Variants in SNCB observed in about 807,000 individuals in gnomAD.
The protein encoded by SNCB is beta-synuclein.
A neutral mutation model predicts 20.0 loss-of-function variants in SNCB; 8 were observed. The observed-to-expected ratio is 0.40, with a 90% CI of 0.24 to 0.72. The LOEUF (loss-of-function observed/expected upper bound fraction) is 0.72. SNCB is among the 30% of genes least tolerant of loss of function. The pLI is 0.37. For synonymous variants in SNCB, 56 were observed against 65.4 expected (o/e 0.86, Z 0.69); for missense variants, 125 against 168.0 (o/e 0.74, Z 1.41).
At chr5:176,624,389 G>A (rs1759797350) in intron 4 of SNCB, among the ~76,000 whole-genome samples, 1 of 152,218 alleles carries the variant, frequency 6.6e-6, no homozygotes, top group Non-Finnish European at 1.5e-5. Flanking sequence ...GCTGGTTATG[G>A]TGCCACATTG....
Position 176,620,312 on chromosome 5 carries a change from C to A in SNCB, c.*499G>T, listed in dbSNP as rs765137212. 1.8e-3 allele frequency: 317 copies of A among 173,718 alleles called. 4 individuals carry two copies. Among genetic ancestry groups the A allele is most frequent in the Non-Finnish European group, 2.5e-3 (204 of 80,636 alleles). 10.8% of individuals were successfully genotyped at this position (173,718 alleles called of 1,614,324 possible). On this transcript the variant is annotated 3_prime_UTR_variant, in exon 6 of 6. Coordinates refer to ENST00000393693, the MANE Select transcript of SNCB (RefSeq NM_003085.5). This position sits in a 1 kb window ranked among gnomAD's most constrained non-coding sequence, Gnocchi z 4.5. ...ATGGGGACTCTCCATGCCACAATCA[C>A]AACACACGACGCCCGCGTTCGGACC...
At chr5:176,624,924 CTG>C (rs1432258002) in intron 4 of SNCB, among the ~76,000 whole-genome samples, 1 of 151,928 alleles carries the variant, frequency 6.6e-6, no homozygotes, top group Non-Finnish European at 1.5e-5. Flanking sequence ...AAGGAACCAA[CTG>C]TGCAAAATGA....
chr5:176,629,880 G>A lies in SNCB; in HGVS notation c.-9-217C>T, dbSNP rs1760256479. Reference sequence around the variant, plus strand: ...CCTTGAAACCTGGGGACGCGGGAGGGGCCACTGCCTCGGTTATCCGGGCCC... The same window carrying A: ...CCTTGAAACCTGGGGACGCGGGAGGAGCCACTGCCTCGGTTATCCGGGCCC... On this transcript the variant is annotated intron_variant, in intron 1 of 5. Transcript: ENST00000393693. This position sits in a 1 kb window ranked among gnomAD's most constrained non-coding sequence, Gnocchi z 4.1. 1.8e-6 allele frequency: 1 copy of A among 569,760 alleles called. No homozygotes were observed. The highest frequency in any genetic ancestry group is 2.9e-6 in the Non-Finnish European group (1 of 342,840). The allele number at this position is 569,760 out of a possible 1,614,324, so 35.3% of individuals were successfully genotyped here. A position where few individuals can be genotyped will look rare whatever the true frequency, so the allele number is the denominator to read the frequency against.
At chr5:176,623,163 A>G (rs1467323721) in intron 4 of SNCB, among the ~76,000 whole-genome samples, 3 of 152,056 alleles carry the variant, frequency 2.0e-5, no homozygotes, top group Non-Finnish European at 4.4e-5. Flanking sequence ...CAAGGTGGGC[A>G]GATCACTTGA....
intron 2 of SNCB, among the ~76,000 whole-genome samples, chr5:176,628,159 CA>C (rs1760090349): frequency 1.3e-5 from 2 of 152,136 alleles, no homozygotes; most frequent in African/African-American, 2.4e-5. Context: ...TGGGGTCCAT[CA>C]GGGGCTCCCA....
chr5:176,625,465 G>A (rs1759881745), intron 4 of SNCB, among the ~76,000 whole-genome samples: 1 of 152,150 alleles, frequency 6.6e-6, no homozygotes, highest in Admixed American at 6.5e-5. Flanking sequence ...TTCCTATTGT[G>A]TTCACTCGCA....
chr5:176,627,497 T>G (rs749309002), intron 2 of SNCB, among the ~76,000 whole-genome samples: 6 of 152,246 alleles, frequency 3.9e-5, no homozygotes, highest in Non-Finnish European at 5.9e-5. Context: ...AGCAACTTGA[T>G]AACTTCAAAA....
chr5:176,622,004 G>A (rs556743325), intron 4 of SNCB, among the ~76,000 whole-genome samples: 11 of 152,234 alleles, frequency 7.2e-5, no homozygotes, highest in African/African-American at 2.2e-4. Flanking sequence ...ACAAGCACAC[G>A]CGATAGCTTA....
rs776622242 is a variant in SNCB at position 176,629,658 on chromosome 5, G to A, written c.-4C>T. Reference sequence around the variant, plus strand: ...GGCCCTTCATGAACACGTCCATCCTGGCGGCCTGGGGAGGGCGATACACGG... The same window carrying A: ...GGCCCTTCATGAACACGTCCATCCTAGCGGCCTGGGGAGGGCGATACACGG... On this transcript the variant is annotated 5_prime_UTR_variant, in exon 2 of 6. Coordinates refer to ENST00000393693, the MANE Select transcript of SNCB (RefSeq NM_003085.5). The surrounding 1 kb of genome is among the most constrained non-coding windows in gnomAD (Gnocchi z 4.1). The A allele has an allele frequency of 6.2e-7, 1 of 1,613,086 alleles. No individual in the cohort carries two copies. Among genetic ancestry groups the A allele is most frequent in the Non-Finnish European group, 8.5e-7 (1 of 1,179,500 alleles).
At chr5:176,624,523 G>A (rs925485102) in intron 4 of SNCB, among the ~76,000 whole-genome samples, 3 of 152,154 alleles carry the variant, frequency 2.0e-5, no homozygotes, top group Admixed American at 6.5e-5. Flanking sequence ...AGTCATGGCC[G>A]GGTGCAGTGG....
Sources: allele counts gnomAD v4.1 joint callset (sites outside exome capture counted in the v4.1 genomes callset), GRCh38; gene constraint gnomAD v4.1.1; non-coding constraint Gnocchi (gnomAD v3.1); transcripts MANE v1.5; gene names NCBI Gene and HGNC (gene_info 2026-07-23, HGNC 2026-07-21).